The following B3GALT1 variants were observed in gnomAD, a reference collection of about 807,000 sequenced individuals.
B3GALT1 encodes the protein UDP-Gal:betaGlcNAc beta 1,3-galactosyltransferase, polypeptide 1.
Under a neutral mutation model 23.2 loss-of-function variants are expected in B3GALT1, and 10 were observed. The observed-to-expected ratio is 0.43, with a 90% CI of 0.27 to 0.73. B3GALT1 has a LOEUF of 0.73. Among genes scored for constraint, B3GALT1 ranks in the 30% least tolerant of loss-of-function variants. B3GALT1 has a pLI of 0.21. For missense variants in B3GALT1, 299 were observed against 405.4 expected, an observed-to-expected ratio of 0.74 and a Z score of 2.25; for synonymous variants, 156 against 141.5, an observed-to-expected ratio of 1.10 and a Z score of -0.73.
intron 1 of B3GALT1, among the ~76,000 whole-genome samples, chr2:167,457,029 C>A (rs1574087302): frequency 2.0e-5 from 3 of 152,270 alleles, no homozygotes; most frequent in South Asian, 2.1e-4. Flanking sequence ...TAGGAGCTCA[C>A]AGCCACTAGT....
chr2:167,502,408 TTTAA>T (rs1174136585), intron 2 of B3GALT1, among the ~76,000 whole-genome samples: 25 of 152,280 alleles, frequency 1.6e-4, no homozygotes, highest in African/African-American at 6.0e-4. Flanking sequence ...TGTATAGGAT[TTTAA>T]TTATTACTTG....
intron 3 of B3GALT1, among the ~76,000 whole-genome samples, chr2:167,721,818 T>G (rs946683047): frequency 2.0e-5 from 3 of 152,298 alleles, no homozygotes; most frequent in Non-Finnish European, 4.4e-5. Context: ...GGAGGGCTGG[T>G]CCTGTAGGCA....
At chr2:167,370,851 G>A (rs1697673094) in intron 1 of B3GALT1, among the ~76,000 whole-genome samples, 1 of 152,016 alleles carries the variant, frequency 6.6e-6, no homozygotes, top group African/African-American at 2.4e-5. Context: ...ACTTGAACCT[G>A]GAAGGTGGAG....
At chr2:167,492,117 A>G (rs1414984038) in intron 2 of B3GALT1, among the ~76,000 whole-genome samples, 2 of 152,128 alleles carry the variant, frequency 1.3e-5, no homozygotes, top group Non-Finnish European at 2.9e-5. Flanking sequence ...TAAAAATCCC[A>G]CATCTTCCTC....
At chr2:167,463,813 T>C (rs1231127664) in intron 1 of B3GALT1, among the ~76,000 whole-genome samples, 1 of 152,212 alleles carries the variant, frequency 6.6e-6, no homozygotes, top group Non-Finnish European at 1.5e-5. Context: ...TGATTTGAGC[T>C]TCTTTGAAAG....
At chr2:167,560,953 G>T (rs1176097248) in intron 2 of B3GALT1, among the ~76,000 whole-genome samples, 3 of 151,640 alleles carry the variant, frequency 2.0e-5, no homozygotes, top group African/African-American at 7.3e-5. Flanking sequence ...GCACCAAGCG[G>T]ACCTAATAGA....
At chr2:167,365,615 CACACACACACGTGCAT>C (rs947961636) in intron 1 of B3GALT1, among the ~76,000 whole-genome samples, 9 of 151,620 alleles carry the variant, frequency 5.9e-5, no homozygotes, top group Non-Finnish European at 1.2e-4. Context: ...CACACACACA[CACACACACACGTGCAT>C]GCAAAATGCC....
intron 2 of B3GALT1, among the ~76,000 whole-genome samples, chr2:167,592,533 A>G (rs1171940225): frequency 6.6e-6 from 1 of 152,192 alleles, no homozygotes; most frequent in Non-Finnish European, 1.5e-5. Context: ...CAGCTCTTTC[A>G]ATTGTTTAAT....
At chr2:167,349,228 G>C (rs1697273612) in intron 1 of B3GALT1, among the ~76,000 whole-genome samples, 1 of 152,168 alleles carries the variant, frequency 6.6e-6, no homozygotes, top group Admixed American at 6.5e-5. Context: ...TGAGTAGCGT[G>C]ATGAAATTTC....
chr2:167,700,055 C>T (rs1315862485), intron 3 of B3GALT1, among the ~76,000 whole-genome samples: 1 of 152,062 alleles, frequency 6.6e-6, no homozygotes, highest in South Asian at 2.1e-4. Flanking sequence ...TATTGCTAGC[C>T]TTGGCAACAT....
At chr2:167,301,554 GTTTA>G (rs1375729757) in intron 1 of B3GALT1, among the ~76,000 whole-genome samples, 3 of 151,998 alleles carry the variant, frequency 2.0e-5, no homozygotes, top group Admixed American at 1.3e-4. Flanking sequence ...TTGTTTGTTT[GTTTA>G]TTTATTTATT....
At chr2:167,331,364 G>A (rs1310032802) in intron 1 of B3GALT1, among the ~76,000 whole-genome samples, 1 of 152,198 alleles carries the variant, frequency 6.6e-6, no homozygotes, top group Non-Finnish European at 1.5e-5. Flanking sequence ...TGGCAGCAGT[G>A]GGCTGGGTGG....
At chr2:167,849,889 CAA>C (rs34125080) in intron 4 of B3GALT1, among the ~76,000 whole-genome samples, 16 of 71,394 alleles carry the variant, frequency 2.2e-4, no homozygotes, top group Non-Finnish European at 2.8e-4. Flanking sequence ...GACTCTGTCT[CAA>C]AAAAAAAAAA....
chr2:167,668,019 G>T (rs1431897048), intron 3 of B3GALT1, among the ~76,000 whole-genome samples: 1 of 152,176 alleles, frequency 6.6e-6, no homozygotes, highest in Non-Finnish European at 1.5e-5. Context: ...AGGAGGAGAG[G>T]CGCTCTGCTT....
intron 1 of B3GALT1, among the ~76,000 whole-genome samples, chr2:167,456,794 T>C (rs1699179815): frequency 6.6e-6 from 1 of 152,142 alleles, no homozygotes; most frequent in South Asian, 2.1e-4. Context: ...CTGTGCCCTC[T>C]CCAGGCCCAC....
At chr2:167,526,577 G>A (rs1574119582) in intron 2 of B3GALT1, among the ~76,000 whole-genome samples, 1 of 152,180 alleles carries the variant, frequency 6.6e-6, no homozygotes, top group South Asian at 2.1e-4. Flanking sequence ...AATATGTGTA[G>A]TGTTATGTCA....
intron 3 of B3GALT1, among the ~76,000 whole-genome samples, chr2:167,696,207 AT>A (rs1686789331): frequency 6.6e-6 from 1 of 151,854 alleles, no homozygotes. Context: ...ACAGAGTAAC[AT>A]AAAAATACCA....
intron 2 of B3GALT1, among the ~76,000 whole-genome samples, chr2:167,551,625 G>A (rs191307289): frequency 1.3e-5 from 2 of 152,184 alleles, no homozygotes; most frequent in African/African-American, 2.4e-5. Context: ...GCCCTCGGGG[G>A]TTGTCTGTAT....
chr2:167,774,116 C>G lies in B3GALT1; in HGVS notation c.-351-44556C>G, dbSNP rs186828069. Reference sequence around the variant, plus strand: ...ATATTCACTTGTTAATTTGTTGAGCCATTCTGTGGACATAATGCGATCACC... The same window carrying G: ...ATATTCACTTGTTAATTTGTTGAGCGATTCTGTGGACATAATGCGATCACC... On this transcript the variant is annotated intron_variant, in intron 3 of 4. Transcript: ENST00000392690. 3.0e-3 allele frequency among the ~76,000 whole-genome samples: 456 copies of G among 152,248 alleles called. 1 individual carries two copies. The highest frequency in any genetic ancestry group is 4.5e-3 in the Non-Finnish European group (303 of 68,018).
Sources: allele counts gnomAD v4.1 joint callset (sites outside exome capture counted in the v4.1 genomes callset), GRCh38; gene constraint gnomAD v4.1.1; transcripts MANE v1.5; gene names NCBI Gene and HGNC (gene_info 2026-07-23, HGNC 2026-07-21).